Variants in ADAMTSL4 observed in about 807,000 individuals in gnomAD.
The protein encoded by ADAMTSL4 is ADAMTS like 4, also known as ADAMTS-like protein 4.
In ADAMTSL4, 97 loss-of-function variants were observed where a neutral mutation model predicts 122.8. That is an observed-to-expected ratio of 0.79 (90% confidence interval 0.67 to 0.93). The LOEUF is 0.93. ADAMTSL4 is among the 40% of genes least tolerant of loss of function. The pLI is 0.00. For synonymous variants in ADAMTSL4, 592 were observed against 568.0 expected (o/e 1.04, Z -0.60); for missense variants, 1,408 against 1,453.5 (o/e 0.97, Z 0.51).
rs1326034402 is a variant in ADAMTSL4, at chr1:150,556,152, C to G, written c.1372-10C>G. 4 of 1,613,690 alleles carry G rather than the reference C, an allele frequency of 2.5e-6. No individual in the cohort carries two copies. The African/African-American group carries it at 5.3e-5, about 22-fold the overall frequency. On this transcript the variant is annotated splice_polypyrimidine_tract_variant and intron_variant, in intron 8 of 18. Transcript: ENST00000271643. This position sits in a 1 kb window ranked among gnomAD's most constrained non-coding sequence, Gnocchi z 4.1. ...GTTCTGTGGCCACTGCCTCACCTCA[C>G]TCTCTCCAGAGCCCCGGCTGTGATG... is the stretch of plus-strand genomic sequence containing the variant.
At position 150,552,851 on chromosome 1, in the gene ADAMTSL4, G is replaced by A; in HGVS notation, c.79-47G>A. On this transcript the variant is annotated intron_variant, in intron 4 of 18. Transcript: ENST00000271643. The surrounding 1 kb of genome is among the most constrained non-coding windows in gnomAD (Gnocchi z 4.0). Reference sequence around the variant, plus strand: ...TTGGTCTACATGGACACTCTGGACAGTTCCCTCTAATCCTTCCAATTCTGT... The same window carrying A: ...TTGGTCTACATGGACACTCTGGACAATTCCCTCTAATCCTTCCAATTCTGT... 1.3e-6 allele frequency: 2 copies of A among 1,583,174 alleles called. No individual in the cohort carries two copies. The highest frequency in any genetic ancestry group is 1.3e-5 in the African/African-American group (1 of 74,524).
chr1:150,554,375 C>T lies in ADAMTSL4; in HGVS notation c.1142C>T (p.Pro381Leu), dbSNP rs145639662. The T allele has an allele frequency of 6.2e-7, 1 of 1,613,328 alleles. No homozygotes were observed. The highest frequency in any genetic ancestry group is 8.5e-7 in the Non-Finnish European group (1 of 1,179,978). ...LRACSQAPCP[P>L]EQPDPRALQC... ...TACCCCTCACCGCAGCCCTGCCCCCCTGAGCAGCCAGACCCCCGGGCCCTG... is the reference window on the plus strand; with the variant it reads ...TACCCCTCACCGCAGCCCTGCCCCCTTGAGCAGCCAGACCCCCGGGCCCTG... The change falls in exon 7 of 19, where the codon CCT (proline) becomes CTT (leucine). Residue 381 changes from proline (P) to leucine (L), a missense_variant. By Grantham distance (98) the Pro-to-Leu change is moderately conservative. Transcript: ENST00000271643. This position sits in a 1 kb window ranked among gnomAD's most constrained non-coding sequence, Gnocchi z 4.0.
At position 150,554,776 on chromosome 1, in the gene ADAMTSL4, G is replaced by A. The variant is rs1259881216; in HGVS notation, c.1234+309G>A. On this transcript the variant is annotated intron_variant, in intron 7 of 18. Coordinates refer to ENST00000271643, the MANE Select transcript of ADAMTSL4 (RefSeq NM_019032.6). This position sits in a 1 kb window ranked among gnomAD's most constrained non-coding sequence, Gnocchi z 4.0. ...ATGGTGGGAGAGATCCTGTCCAGCC[G>A]TGACAGCCAGGTGGGGGTGTGCCAC... 1.8e-5 allele frequency: 18 copies of A among 989,322 alleles called. No individual in the cohort carries two copies. The Admixed American group carries it at 3.5e-4, about 19-fold the overall frequency. 61.3% of individuals were successfully genotyped at this position (989,322 alleles called of 1,614,324 possible).
rs1318875100 is a variant in ADAMTSL4, at chr1:150,554,373, C to G, written c.1140C>G (p.Pro380=). Residue 380 remains proline, a synonymous_variant, in exon 7 of 19, where the codon CCC becomes CCG. Transcript: ENST00000271643. This position sits in a 1 kb window ranked among gnomAD's most constrained non-coding sequence, Gnocchi z 4.0. ...TGTACCCCTCACCGCAGCCCTGCCC[C>G]CCTGAGCAGCCAGACCCCCGGGCCC... ...QLRACSQAPC[P]PEQPDPRALQ... 1 of 1,613,192 alleles carries G rather than the reference C, an allele frequency of 6.2e-7. No homozygotes were observed. The highest frequency in any genetic ancestry group is 2.2e-5 in the East Asian group (1 of 44,880).
At chr1:150,553,298 G>T (rs763396436) in intron 5 of ADAMTSL4, 45 bp downstream of exon 5, 1 of 1,609,432 alleles carries the variant, frequency 6.2e-7, no homozygotes, top group Non-Finnish European at 8.5e-7. Context: ...CAAGGTGGGG[G>T]CTTAGCATGA....
rs771445862 is a variant in ADAMTSL4, at chr1:150,553,471, G to A, written c.480G>A (p.Gly160=). The A allele has an allele frequency of 1.2e-6, 2 of 1,613,870 alleles. No individual in the cohort carries two copies. Among genetic ancestry groups the A allele is most frequent in the Non-Finnish European group, 1.7e-6 (2 of 1,179,956 alleles). The change falls in exon 6 of 19, where the codon GGG becomes GGA. Residue 160 remains glycine (G), a synonymous_variant. Transcript: ENST00000271643. ...DPIKPGMFGY[G]RVPFALPLHR... is the part of the protein sequence containing the mutation. The stretch of plus-strand genomic sequence containing the variant: ...TCAAGCCAGGAATGTTCGGTTATGG[G>A]AGAGTGCCCTTTGCATTGCCACTGC...
In ADAMTSL4 at chr1:150,552,854, C is replaced by G; in HGVS notation, c.79-44C>G. The G allele has an allele frequency of 6.3e-7, 1 of 1,583,682 alleles. No individual in the cohort carries two copies. The highest frequency in any genetic ancestry group is 8.6e-7 in the Non-Finnish European group (1 of 1,158,824). On this transcript the variant is annotated intron_variant, in intron 4 of 18. Transcript: ENST00000271643. The surrounding 1 kb of genome is among the most constrained non-coding windows in gnomAD (Gnocchi z 4.0). ...GTCTACATGGACACTCTGGACAGTT[C>G]CCTCTAATCCTTCCAATTCTGTCTG...
Position 150,557,815 on chromosome 1 carries a change from C to T in ADAMTSL4, c.2178-130C>T. 2.9e-6 allele frequency: 4 copies of T among 1,368,698 alleles called. No homozygotes were observed. The South Asian group carries it at 3.9e-5, about 13-fold the overall frequency. 84.8% of individuals were successfully genotyped at this position (1,368,698 alleles called of 1,614,324 possible). A position where few individuals can be genotyped will look rare whatever the true frequency, so the allele number is the denominator to read the frequency against. ...GCTGAGCCCCCCAGGAACCCAGACTCCAAACGCCAAACGTGCCCACTCTCC... is the reference window on the plus strand; with the variant it reads ...GCTGAGCCCCCCAGGAACCCAGACTTCAAACGCCAAACGTGCCCACTCTCC... On this transcript the variant is annotated intron_variant, in intron 13 of 18. Coordinates refer to ENST00000271643, the MANE Select transcript of ADAMTSL4 (RefSeq NM_019032.6).
intron 2 of ADAMTSL4, chr1:150,550,872 C>A (rs1671339445): frequency 2.2e-6 from 1 of 456,414 alleles, no homozygotes; most frequent in Admixed American, 2.4e-5. Flanking sequence ...TGAGTGTCTG[C>A]CCCCAGGCAC....
chr1:150,554,567 C>A lies in ADAMTSL4; in HGVS notation c.1234+100C>A. ...CTCCCAGCCCTGAATGACTTCCAGC[C>A]CCTCTGCTTCCCCTGCGCCATGCCT... On this transcript the variant is annotated intron_variant, in intron 7 of 18. Transcript: ENST00000271643. The surrounding 1 kb of genome is among the most constrained non-coding windows in gnomAD (Gnocchi z 4.0). 1 of 1,562,670 alleles carries A rather than the reference C, an allele frequency of 6.4e-7. No homozygotes were observed. The highest frequency in any genetic ancestry group is 8.7e-7 in the Non-Finnish European group (1 of 1,153,298).
In ADAMTSL4 at chr1:150,552,963, A is replaced by G. The variant is rs1180334732; in HGVS notation, c.144A>G (p.Gly48=). ...EEGQGPEGVW[G]PWVQWASCSQ... is the part of the protein sequence containing the mutation. ...GCCAGGGCCCCGAAGGTGTCTGGGG[A>G]CCTTGGGTCCAGTGGGCCTCTTGCT... Residue 48 remains glycine, a synonymous_variant, in exon 5 of 19, where the codon GGA becomes GGG. Coordinates refer to ENST00000271643, the MANE Select transcript of ADAMTSL4 (RefSeq NM_019032.6). This position sits in a 1 kb window ranked among gnomAD's most constrained non-coding sequence, Gnocchi z 4.0. The G allele has an allele frequency of 6.2e-7, 1 of 1,612,726 alleles. No homozygotes were observed. The highest frequency in any genetic ancestry group is 8.5e-7 in the Non-Finnish European group (1 of 1,179,924).
chr1:150,550,794 C>T (rs750027492), intron 2 of ADAMTSL4: 58 of 456,490 alleles, frequency 1.3e-4, no homozygotes, highest in South Asian at 2.6e-4. Context: ...GAGGCGCCCG[C>T]TCTGGCTCAG....
At position 150,557,050 on chromosome 1, in the gene ADAMTSL4, G is replaced by C. The variant is rs757815493; in HGVS notation, c.1861G>C (p.Glu621Gln). The change falls in exon 11 of 19, where the codon GAG (glutamate) becomes CAG (glutamine). Residue 621 changes from glutamate to glutamine, a missense_variant and splice_region_variant. Physicochemically the swap from Glu to Gln is conservative, Grantham distance 29 (BLOSUM62 2). Coordinates refer to ENST00000271643, the MANE Select transcript of ADAMTSL4 (RefSeq NM_019032.6). ...GCCCCCTGTCCCCCAGCTTCAGCCGGGTAAGACTCTGACCCCTGCACTTGG... is the reference window on the plus strand; with the variant it reads ...GCCCCCTGTCCCCCAGCTTCAGCCGCGTAAGACTCTGACCCCTGCACTTGG... ...PEPPVPQLQP[E>Q]ILRVEPPLAP... is the part of the protein sequence containing the mutation. 3.5e-5 allele frequency: 57 copies of C among 1,613,452 alleles called. No individual in the cohort carries two copies. Among genetic ancestry groups the C allele is most frequent in the Admixed American group, 5.0e-5 (3 of 59,986 alleles).
At position 150,554,845 on chromosome 1, in the gene ADAMTSL4, C is replaced by T. The variant is rs1474630410; in HGVS notation, c.1234+378C>T. On this transcript the variant is annotated intron_variant, in intron 7 of 18. Transcript: ENST00000271643. The surrounding 1 kb of genome is among the most constrained non-coding windows in gnomAD (Gnocchi z 4.0). ...TATCGGTTGCTCCCAGGTTACCATCCGCTTCATTTTAGGCCTGTGTTAACT... is the reference window on the plus strand; with the variant it reads ...TATCGGTTGCTCCCAGGTTACCATCTGCTTCATTTTAGGCCTGTGTTAACT... The T allele has an allele frequency of 5.0e-6, 3 of 605,254 alleles. No individual in the cohort carries two copies. The highest frequency in any genetic ancestry group is 2.0e-5 in the South Asian group (1 of 50,188). The allele number at this position is 605,254 out of a possible 1,614,324, so 37.5% of individuals were successfully genotyped here.
At position 150,559,227 on chromosome 1, in the gene ADAMTSL4, G is replaced by A; in HGVS notation, c.2764-60G>A. ...CCAGTCCCAGTGGGATTCCTTGTGGGCACTTGGGGTGCTCTCTGTCCTCCC... is the reference window on the plus strand; with the variant it reads ...CCAGTCCCAGTGGGATTCCTTGTGGACACTTGGGGTGCTCTCTGTCCTCCC... On this transcript the variant is annotated intron_variant, in intron 16 of 18. Transcript: ENST00000271643. The surrounding 1 kb of genome is among the most constrained non-coding windows in gnomAD (Gnocchi z 4.1). 1.2e-6 allele frequency: 2 copies of A among 1,612,502 alleles called. No individual in the cohort carries two copies. Among genetic ancestry groups the A allele is most frequent in the Non-Finnish European group, 1.7e-6 (2 of 1,179,326 alleles).
Position 150,555,538 on chromosome 1 carries a change from T to C in ADAMTSL4, c.1344T>C (p.Pro448=). The C allele has an allele frequency of 6.2e-7, 1 of 1,614,158 alleles. No individual in the cohort carries two copies. Reference sequence around the variant, plus strand: ...GGACCCTGTGTCAGCCTGGAGCCCCTGACATCTGTGTGGCTGGACGCTGTC... The same window carrying C: ...GGACCCTGTGTCAGCCTGGAGCCCCCGACATCTGTGTGGCTGGACGCTGTC... ...QDGTLCQPGA[P]DICVAGRCLS... The change falls in exon 8 of 19, where the codon CCT becomes CCC. Residue 448 remains proline (P), a synonymous_variant. Coordinates refer to ENST00000271643, the MANE Select transcript of ADAMTSL4 (RefSeq NM_019032.6).
intron 7 of ADAMTSL4, 60 bp from the exon 8 acceptor site, chr1:150,555,369 C>T (rs993214415): frequency 6.2e-7 from 1 of 1,607,702 alleles, no homozygotes; most frequent in Non-Finnish European, 8.5e-7. Context: ...CCTCTGGGGC[C>T]TCTCTCAGCT....
rs1671868208 is a variant in ADAMTSL4, at chr1:150,554,982, C to G, written c.1235-447C>G. ...GATGGTCTCGGTGACCTCAACTGACCTGACCACCTTTTTTTTTTTTTTTCT... is the reference window on the plus strand; with the variant it reads ...GATGGTCTCGGTGACCTCAACTGACGTGACCACCTTTTTTTTTTTTTTTCT... On this transcript the variant is annotated intron_variant, in intron 7 of 18. Coordinates refer to ENST00000271643, the MANE Select transcript of ADAMTSL4 (RefSeq NM_019032.6). The surrounding 1 kb of genome is among the most constrained non-coding windows in gnomAD (Gnocchi z 4.0). 6.6e-6 allele frequency among the ~76,000 whole-genome samples: 1 copy of G among 150,478 alleles called. No individual in the cohort carries two copies. Among genetic ancestry groups the G allele is most frequent in the Non-Finnish European group, 1.5e-5 (1 of 67,676 alleles).
chr1:150,559,636 T>C lies in ADAMTSL4; in HGVS notation c.2944-125T>C, dbSNP rs1322153502. Reference sequence around the variant, plus strand: ...TGGAGGAAAGATGGGCCCTCTCCATTTGGGATTTCACAATGTCCTAGGAGG... The same window carrying C: ...TGGAGGAAAGATGGGCCCTCTCCATCTGGGATTTCACAATGTCCTAGGAGG... On this transcript the variant is annotated intron_variant, in intron 17 of 18. Transcript: ENST00000271643. The surrounding 1 kb of genome is among the most constrained non-coding windows in gnomAD (Gnocchi z 4.1). 1.3e-6 allele frequency: 2 copies of C among 1,568,456 alleles called. No homozygotes were observed. The highest frequency in any genetic ancestry group is 1.9e-4 in the Middle Eastern group (1 of 5,310).
Sources: gnomAD v4.1 joint callset for allele counts (sites outside exome capture counted in the v4.1 genomes callset) on GRCh38, gnomAD v4.1.1 for gene constraint, Gnocchi (gnomAD v3.1) non-coding constraint, MANE v1.5 for transcripts, NCBI Gene and HGNC (gene_info 2026-07-23, HGNC 2026-07-21) for gene names.